Variants in TBC1D14 observed in about 807,000 individuals in gnomAD.
TBC1D14 encodes the protein TBC1 domain family member 14, also known as TBC1 domain family, member 14.
Under a neutral mutation model 79.0 loss-of-function variants are expected in TBC1D14, and 26 were observed. The ratio of observed to expected loss-of-function variants is 0.33; its 90% CI spans 0.24 to 0.46. The LOEUF (loss-of-function observed/expected upper bound fraction) is 0.46. Among genes scored for constraint, TBC1D14 ranks in the 20% least tolerant of loss-of-function variants. The pLI, the probability that TBC1D14 is intolerant of heterozygous loss-of-function variation, is 1.00. For synonymous variants in TBC1D14, 394 were observed against 349.9 expected, an observed-to-expected ratio of 1.13 and a Z score of -1.40; for missense variants, 769 against 887.6, an observed-to-expected ratio of 0.87 and a Z score of 1.70.
rs148978762 is a variant in TBC1D14 at position 6,922,450 on chromosome 4, C to T, written c.-17-923C>T. Among the ~76,000 whole-genome samples, 597 of 152,274 alleles carry T rather than the reference C, an allele frequency of 3.9e-3. 4 individuals carry two copies. The highest frequency in any genetic ancestry group is 0.013 in the African/African-American group (534 of 41,556). On this transcript the variant is annotated intron_variant, in intron 1 of 13. Coordinates refer to ENST00000409757, the MANE Select transcript of TBC1D14 (RefSeq NM_020773.3). Reference sequence around the variant, plus strand: ...CGTAGATCCCAGCTCTGCTGTTAAACAGCAGTGTGATCTTAGACCCGTTTC... The same window carrying T: ...CGTAGATCCCAGCTCTGCTGTTAAATAGCAGTGTGATCTTAGACCCGTTTC...
At chr4:6,911,318 G>A (rs745778774) in intron 1 of TBC1D14, among the ~76,000 whole-genome samples, 1 of 152,232 alleles carries the variant, frequency 6.6e-6, no homozygotes, top group African/African-American at 2.4e-5. Context: ...GAAACATCAA[G>A]GGTGTCAGCT....
intron 2 of TBC1D14, among the ~76,000 whole-genome samples, chr4:6,926,361 G>A (rs1406338725): frequency 1.3e-5 from 2 of 152,196 alleles, no homozygotes; most frequent in African/African-American, 2.4e-5. Flanking sequence ...TGACTGAGCT[G>A]TGTATATTGG....
At chr4:6,914,211 G>A (rs558766469) in intron 1 of TBC1D14, among the ~76,000 whole-genome samples, 4 of 151,778 alleles carry the variant, frequency 2.6e-5, no homozygotes, top group East Asian at 1.9e-4. Context: ...CCGCTTCTTC[G>A]GGTTGTGAAG....
At chr4:6,910,391 C>G (rs528540311) in intron 1 of TBC1D14, 1 of 152,376 alleles carries the variant, frequency 6.6e-6, no homozygotes, top group African/African-American at 2.4e-5. Context: ...CCTGACCCCG[C>G]TTTCATCTCT....
At chr4:7,024,117 G>A (rs1230057084) in intron 12 of TBC1D14, among the ~76,000 whole-genome samples, 1 of 152,230 alleles carries the variant, frequency 6.6e-6, no homozygotes, top group Non-Finnish European at 1.5e-5. Flanking sequence ...ACTGTGGGCA[G>A]AACCCATGCC....
intron 2 of TBC1D14, among the ~76,000 whole-genome samples, chr4:6,929,789 A>C (rs1168730124): frequency 6.6e-6 from 1 of 152,172 alleles, no homozygotes. Context: ...AGCTGGATAG[A>C]GTTGAGATGA....
intron 2 of TBC1D14, among the ~76,000 whole-genome samples, chr4:6,959,134 C>G (rs903959783): frequency 3.9e-5 from 6 of 152,164 alleles, no homozygotes; most frequent in Admixed American, 6.5e-5. Flanking sequence ...ATCCGCCCGC[C>G]TCGGCCTCCC....
At chr4:7,020,411 C>T (rs895347277) in intron 12 of TBC1D14, among the ~76,000 whole-genome samples, 1 of 152,190 alleles carries the variant, frequency 6.6e-6, no homozygotes, top group Non-Finnish European at 1.5e-5. Context: ...TTACCTAGCA[C>T]TGTCTAATCT....
chr4:6,924,174 CT>C, intron 2 of TBC1D14, 63 bp downstream of exon 2: 1 of 1,525,372 alleles, frequency 6.6e-7, no homozygotes, highest in South Asian at 1.3e-5. Flanking sequence ...CTCCTTGTTC[CT>C]GTCTCAAATG....
At chr4:6,934,256 G>A (rs1360304065) in intron 2 of TBC1D14, among the ~76,000 whole-genome samples, 1 of 152,104 alleles carries the variant, frequency 6.6e-6, no homozygotes. Flanking sequence ...AGGAGAGGAG[G>A]AAGCAGCAAA....
chr4:6,936,785 G>A (rs1302453880), intron 2 of TBC1D14, among the ~76,000 whole-genome samples: 3 of 152,168 alleles, frequency 2.0e-5, no homozygotes, highest in Admixed American at 6.5e-5. Flanking sequence ...CCTCCCCAGC[G>A]TTTGCTGTTG....
At chr4:6,913,953 ACC>A (rs1176580410) in intron 1 of TBC1D14, among the ~76,000 whole-genome samples, 1 of 151,874 alleles carries the variant, frequency 6.6e-6, no homozygotes, top group African/African-American at 2.4e-5. Flanking sequence ...ACATGGTGAA[ACC>A]CTACCAAAAC....
intron 2 of TBC1D14, among the ~76,000 whole-genome samples, chr4:6,936,827 T>TTTTTG (rs928117204): frequency 1.2e-4 from 18 of 152,284 alleles, no homozygotes; most frequent in African/African-American, 4.3e-4. Flanking sequence ...TTGCTCTGGG[T>TTTTTG]TTTTGTTTTG....
intron 2 of TBC1D14, among the ~76,000 whole-genome samples, chr4:6,960,968 A>T (rs1715139175): frequency 6.6e-6 from 1 of 152,124 alleles, no homozygotes; most frequent in African/African-American, 2.4e-5. Flanking sequence ...GTCCCAGTTA[A>T]ATGTGTGAGC....
At chr4:7,005,776 C>T (rs982532378) in intron 8 of TBC1D14, among the ~76,000 whole-genome samples, 2 of 152,094 alleles carry the variant, frequency 1.3e-5, no homozygotes, top group Non-Finnish European at 2.9e-5. Flanking sequence ...CCGTCATAAC[C>T]AGTGCCATTC....
chr4:6,941,864 G>A (rs1712941299), intron 2 of TBC1D14, among the ~76,000 whole-genome samples: 3 of 152,208 alleles, frequency 2.0e-5, no homozygotes, highest in Admixed American at 6.5e-5. Context: ...GGCTCCAGGT[G>A]TGTGTTTAGG....
chr4:6,974,340 A>G (rs1453851572), intron 3 of TBC1D14, among the ~76,000 whole-genome samples: 1 of 152,126 alleles, frequency 6.6e-6, no homozygotes, highest in Non-Finnish European at 1.5e-5. Context: ...ATATGGATGC[A>G]GTTGTGGGAA....
intron 2 of TBC1D14, among the ~76,000 whole-genome samples, chr4:6,948,586 G>A (rs1713710436): frequency 6.6e-6 from 1 of 152,144 alleles, no homozygotes; most frequent in African/African-American, 2.4e-5. Context: ...GGGACAGGTG[G>A]GTCTCCCGTG....
rs547717770 is a variant in TBC1D14, at chr4:7,009,906, T to C, written c.1476T>C (p.Ser492=). The C allele has an allele frequency of 1.9e-6, 3 of 1,614,240 alleles. No homozygotes were observed. The highest frequency in any genetic ancestry group is 1.7e-5 in the Admixed American group (1 of 60,026). The part of the protein sequence containing the change: ...QGGPYHDMLH[S]ILGAYTCYRP... The stretch of plus-strand genomic sequence containing the variant: ...GTCCATATCATGACATGTTGCACAG[T>C]ATTTTGGGCGCTTATACTTGTTACC... The change falls in exon 10 of 14, where the codon AGT becomes AGC. Residue 492 remains serine (S), a synonymous_variant. Coordinates refer to ENST00000409757, the MANE Select transcript of TBC1D14 (RefSeq NM_020773.3).
Sources: allele counts gnomAD v4.1 joint callset (sites outside exome capture counted in the v4.1 genomes callset), GRCh38; gene constraint gnomAD v4.1.1; transcripts MANE v1.5; gene names NCBI Gene and HGNC (gene_info 2026-07-23, HGNC 2026-07-21).